The following MYO5C variants were observed in gnomAD, a reference collection of about 807,000 sequenced individuals.
MYO5C encodes unconventional myosin-Vc.
MYO5C carries 194 observed loss-of-function variants against 235.7 expected under a neutral mutation model. The ratio of observed to expected loss-of-function variants is 0.82; its 90% CI spans 0.73 to 0.93. The LOEUF is 0.93. Among genes scored for constraint, MYO5C ranks in the 40% least tolerant of loss-of-function variants. The pLI is 0.00. For missense variants in MYO5C, 2,038 were observed against 2,127.2 expected, an observed-to-expected ratio of 0.96 and a Z score of 0.82; for synonymous variants, 707 against 754.8, an observed-to-expected ratio of 0.94 and a Z score of 1.04.
At position 52,194,184 on chromosome 15, in the gene MYO5C, A is replaced by G. The variant is rs542729800; in HGVS notation, c.5077-130T>C. The G allele has an allele frequency of 1.5e-4, 122 of 794,014 alleles. No individual in the cohort carries two copies. In the East Asian group the frequency reaches 3.5e-3, roughly 23 times the overall value. 49.2% of individuals were successfully genotyped at this position (794,014 alleles called of 1,614,324 possible). ...CTTGCACCATCACATGAAATGACAT[A>G]CATGAGAACTTTTTAACAACAGCAC... On this transcript the variant is annotated intron_variant, in intron 40 of 40. Transcript: ENST00000261839.
At chr15:52,229,083 A>G (rs1177194005) in intron 25 of MYO5C, 50 bp downstream of exon 25, 2 of 1,600,474 alleles carry the variant, frequency 1.2e-6, no homozygotes, top group South Asian at 1.1e-5. Flanking sequence ...TTGGAATTGC[A>G]ATCAAATGAC....
chr15:52,286,056 G>A (rs962693560), intron 1 of MYO5C, among the ~76,000 whole-genome samples: 2 of 152,078 alleles, frequency 1.3e-5, no homozygotes, highest in Non-Finnish European at 2.9e-5. Context: ...CCCCGTCTGG[G>A]ATGTGAGGAG....
intron 1 of MYO5C, among the ~76,000 whole-genome samples, chr15:52,293,777 C>G (rs1167875540): frequency 6.6e-6 from 1 of 152,192 alleles, no homozygotes; most frequent in Non-Finnish European, 1.5e-5. Flanking sequence ...CCTCCACAGC[C>G]CAAGGGCGCT....
Position 52,208,565 on chromosome 15 carries a change from T to G in MYO5C, c.4375A>C (p.Ser1459Arg). ...CHFLNCLKQY[S>R]GEEEFMKHNS... ...TGGGCGCCCCCTACCTCTTCTCCGC[T>G]GTACTGCTTCAGGCAATTGAGAAAA... Residue 1459 changes from serine (S) to arginine (R), a missense_variant, in exon 36 of 41, where the codon AGC (serine) becomes CGC (arginine). By Grantham distance (110) the Ser-to-Arg change is moderately radical. Transcript: ENST00000261839. The G allele has an allele frequency of 6.2e-7, 1 of 1,614,166 alleles. No individual in the cohort carries two copies. The highest frequency in any genetic ancestry group is 2.2e-5 in the East Asian group (1 of 44,886).
At chr15:52,286,329 C>CG (rs2037271093) in intron 1 of MYO5C, among the ~76,000 whole-genome samples, 1 of 150,340 alleles carries the variant, frequency 6.7e-6, no homozygotes, top group African/African-American at 2.4e-5. Flanking sequence ...GGGGGTCAGC[C>CG]CCCCGCCCGG....
At chr15:52,196,232 C>T in intron 39 of MYO5C, 77 bp downstream of exon 39, 1 of 1,438,794 alleles carries the variant, frequency 7.0e-7, no homozygotes, top group Non-Finnish European at 9.2e-7. Context: ...CCACAGCTGG[C>T]TAAACCAAGA....
chr15:52,237,846 A>G (rs1264967706), intron 21 of MYO5C, among the ~76,000 whole-genome samples, 200 bp from the exon 22 acceptor site: 2 of 152,138 alleles, frequency 1.3e-5, no homozygotes, highest in African/African-American at 4.8e-5. Context: ...ACATCTTCCC[A>G]AACTGGTGGC....
At chr15:52,285,979 G>A (rs1398826508) in intron 1 of MYO5C, among the ~76,000 whole-genome samples, 7 of 152,058 alleles carry the variant, frequency 4.6e-5, no homozygotes, top group African/African-American at 1.7e-4. Context: ...ATCCCATCTG[G>A]GAAGTAAGGA....
chr15:52,261,684 A>T (rs1314682667), intron 9 of MYO5C, among the ~76,000 whole-genome samples: 1 of 152,180 alleles, frequency 6.6e-6, no homozygotes, highest in African/African-American at 2.4e-5. Context: ...TTTCCTGAAT[A>T]CACAAAGTGA....
chr15:52,221,150 G>A lies in MYO5C; in HGVS notation c.3721+12C>T, dbSNP rs1397851244. 3 of 1,601,922 alleles carry A rather than the reference G, an allele frequency of 1.9e-6. No individual in the cohort carries two copies. The highest frequency in any genetic ancestry group is 2.2e-5 in the East Asian group (1 of 44,772). On this transcript the variant is annotated intron_variant, in intron 30 of 40. Transcript: ENST00000261839. Reference sequence around the variant, plus strand: ...CGTTTTCTAAAAGCAGGTTAATGAGGGTTTCAGTTACCTTTCATTTTCTCA... The same window carrying A: ...CGTTTTCTAAAAGCAGGTTAATGAGAGTTTCAGTTACCTTTCATTTTCTCA...
intron 24 of MYO5C, among the ~76,000 whole-genome samples, chr15:52,229,952 A>G (rs1017443227): frequency 2.0e-5 from 3 of 151,592 alleles, no homozygotes; most frequent in African/African-American, 7.3e-5. Context: ...GTCCCCTGGA[A>G]GGGCCAGTTT....
rs925095506 is a variant in MYO5C, at chr15:52,260,306, G to A, written c.1313+556C>T. Among the ~76,000 whole-genome samples the A allele has an allele frequency of 9.2e-5, 14 of 152,342 alleles. No individual in the cohort carries two copies. In the East Asian group the frequency reaches 2.7e-3, roughly 29 times the overall value. ...CCAAGAACGGAAAAGGATTGGGGTAGGGGGGTGGTTGATCAGAGACCTGGG... is the reference window on the plus strand; with the variant it reads ...CCAAGAACGGAAAAGGATTGGGGTAAGGGGGTGGTTGATCAGAGACCTGGG... On this transcript the variant is annotated intron_variant, in intron 10 of 40. Transcript: ENST00000261839.
In MYO5C at chr15:52,232,732, C is replaced by G. The variant is rs770192465; in HGVS notation, c.2963-47G>C. The stretch of plus-strand genomic sequence containing the variant: ...TGAGATATGTCTGCCAAATCAATGC[C>G]TTGATTGTTTCATGTTATGTTTAAG... On this transcript the variant is annotated intron_variant, in intron 23 of 40. Coordinates refer to ENST00000261839, the MANE Select transcript of MYO5C (RefSeq NM_018728.4). 5 of 1,477,990 alleles carry G rather than the reference C, an allele frequency of 3.4e-6. No homozygotes were observed. The African/African-American group carries it at 6.9e-5, about 20-fold the overall frequency. 91.6% of individuals were successfully genotyped at this position (1,477,990 alleles called of 1,614,324 possible).
intron 2 of MYO5C, 116 bp from the exon 3 acceptor site, chr15:52,279,790 A>G: frequency 1.0e-6 from 1 of 981,448 alleles, no homozygotes. Flanking sequence ...GACATTAAAA[A>G]GCAAATGTAC....
Position 52,213,281 on chromosome 15 carries a change from C to T in MYO5C, c.4048G>A (p.Asp1350Asn). 1 of 1,613,202 alleles carries T rather than the reference C, an allele frequency of 6.2e-7. No individual in the cohort carries two copies. Among genetic ancestry groups the T allele is most frequent in the Non-Finnish European group, 8.5e-7 (1 of 1,179,208 alleles). ...TTGGGTCCTGAGGACGAGTGCACAT[C>T]ATTGGCTGTAGACAGAGGCAAACAA... The part of the protein sequence containing the change: ...TLSKTIGKAN[D>N]VHSSSGPKEY... The change falls in exon 34 of 41, where the codon GAT becomes AAT. Residue 1350 changes from aspartate to asparagine, a missense_variant. Transcript: ENST00000261839.
chr15:52,252,350 T>A (rs2036489143), intron 12 of MYO5C, among the ~76,000 whole-genome samples: 1 of 152,152 alleles, frequency 6.6e-6, no homozygotes, highest in South Asian at 2.1e-4. Flanking sequence ...AAATAGTTTT[T>A]CTTATTTTAC....
intron 16 of MYO5C, 95 bp from the exon 17 acceptor site, chr15:52,246,137 T>C: frequency 1.1e-6 from 1 of 914,458 alleles, no homozygotes; most frequent in Non-Finnish European, 1.8e-6. Context: ...TGTGACCCTA[T>C]GCCAGGTACC....
intron 36 of MYO5C, 49 bp from the exon 37 acceptor site, chr15:52,206,015 G>T: frequency 8.6e-7 from 1 of 1,160,514 alleles, no homozygotes; most frequent in Non-Finnish European, 1.2e-6. Context: ...AAACATGTAG[G>T]AAATTAATAA....
Position 52,264,266 on chromosome 15 carries a change from A to G in MYO5C, c.971T>C (p.Phe324Ser). Residue 324 changes from phenylalanine (F) to serine (S), a missense_variant, in exon 9 of 41, where the codon TTT (phenylalanine) becomes TCT (serine). By Grantham distance (155) the Phe-to-Ser change is radical. Transcript: ENST00000261839. ...GFKEDFQMDV[F>S]KILAAILHLG... is the part of the protein sequence containing the mutation. ...ATGTAGGATGGCTGCCAGGATTTTA[A>G]AAACGTCCATCTGAAAATCCTCCTT... The G allele has an allele frequency of 6.2e-7, 1 of 1,614,160 alleles. No homozygotes were observed.
Sources: allele counts gnomAD v4.1 joint callset (sites outside exome capture counted in the v4.1 genomes callset), GRCh38; gene constraint gnomAD v4.1.1; transcripts MANE v1.5; gene names NCBI Gene and HGNC (gene_info 2026-07-23, HGNC 2026-07-21).